Variants in ST7 observed in about 807,000 individuals in gnomAD.
ST7 encodes the protein suppression of tumorigenicity 7.
In ST7, 28 loss-of-function variants were observed where a neutral mutation model predicts 78.7. That is an observed-to-expected ratio of 0.36 (90% CI 0.26 to 0.49). The LOEUF is 0.49. ST7 is among the 20% of genes least tolerant of loss of function. The pLI, the probability that ST7 is intolerant of heterozygous loss-of-function variation, is 0.99. For synonymous variants in ST7, 247 were observed against 249.6 expected (o/e 0.99, Z 0.10); for missense variants, 418 against 696.0 (o/e 0.60, Z 4.49).
At chr7:117,207,676 A>G (rs1390371560) in intron 12 of ST7, among the ~76,000 whole-genome samples, 1 of 152,230 alleles carries the variant, frequency 6.6e-6, no homozygotes, top group Non-Finnish European at 1.5e-5. Context: ...CCTGGGACAC[A>G]TGAGTTAGTT....
At chr7:117,130,663 GA>G in intron 5 of ST7, 57 bp downstream of exon 5, 1 of 1,289,028 alleles carries the variant, frequency 7.8e-7, no homozygotes, top group Non-Finnish European at 1.1e-6. Flanking sequence ...TAAGTGTCAA[GA>G]TTTCTGCTTT....
rs1584649379 is a variant in ST7, at chr7:117,227,659, T to C, written c.1639-2103T>C. On this transcript the variant is annotated intron_variant, in intron 15 of 15. Transcript: ENST00000323984. ...AGACTTGTTCCATATTATCCTCTTA[T>C]AACTAGGATTTTACAAATGCTTTCA... 2.6e-5 allele frequency among the ~76,000 whole-genome samples: 4 copies of C among 152,320 alleles called. No individual in the cohort carries two copies. The South Asian group carries it at 8.3e-4, about 32-fold the overall frequency.
intron 1 of ST7, among the ~76,000 whole-genome samples, chr7:116,983,163 G>T (rs984104938): frequency 6.6e-6 from 1 of 152,180 alleles, no homozygotes; most frequent in South Asian, 2.1e-4. Context: ...CTCCCAAAGT[G>T]CTGGGATTAC....
intron 10 of ST7, among the ~76,000 whole-genome samples, chr7:117,176,088 C>T (rs1808322961): frequency 6.6e-6 from 1 of 152,142 alleles, no homozygotes; most frequent in South Asian, 2.1e-4. Flanking sequence ...TCTTTGGGTT[C>T]ATAGCAACTT....
intron 1 of ST7, among the ~76,000 whole-genome samples, chr7:116,991,718 T>C (rs1794439632): frequency 6.6e-6 from 1 of 152,108 alleles, no homozygotes; most frequent in Non-Finnish European, 1.5e-5. Context: ...AATCATGCCT[T>C]CCCAACAGTC....
At chr7:117,224,362 C>T (rs1283368804) in intron 15 of ST7, among the ~76,000 whole-genome samples, 3 of 152,144 alleles carry the variant, frequency 2.0e-5, no homozygotes, top group African/African-American at 4.8e-5. Context: ...TTTCTACACC[C>T]ATTATCACCC....
intron 1 of ST7, among the ~76,000 whole-genome samples, chr7:117,042,738 A>T (rs1219266410): frequency 6.6e-6 from 1 of 152,014 alleles, no homozygotes; most frequent in African/African-American, 2.4e-5. Flanking sequence ...CCAAGATTTT[A>T]AAAAAATATA....
At chr7:117,168,536 C>A (rs1016019434) in intron 9 of ST7, among the ~76,000 whole-genome samples, 2 of 151,748 alleles carry the variant, frequency 1.3e-5, no homozygotes, top group African/African-American at 4.8e-5. Flanking sequence ...GTAATCTCAA[C>A]TAGAATCAAA....
chr7:117,140,124 T>G (rs17439722), intron 9 of ST7, among the ~76,000 whole-genome samples: 2,593 of 152,358 alleles, frequency 0.017, 27 homozygotes, highest in Non-Finnish European at 0.028. Context: ...GTCAGTCTCT[T>G]GGTTATCATA....
intron 9 of ST7, among the ~76,000 whole-genome samples, chr7:117,168,216 A>C (rs1273872864): frequency 6.6e-6 from 1 of 152,212 alleles, no homozygotes; most frequent in East Asian, 1.9e-4. Context: ...CTGCTCTTTA[A>C]GCTCCTAGCA....
chr7:117,032,083 TG>T (rs1490144268), intron 1 of ST7, among the ~76,000 whole-genome samples: 4 of 151,812 alleles, frequency 2.6e-5, no homozygotes, highest in Admixed American at 2.6e-4. Context: ...GGTTTAGCCA[TG>T]TTGACCAGGC....
intron 1 of ST7, among the ~76,000 whole-genome samples, chr7:117,036,074 T>TGTCTCCACAAATGCTGACAA: frequency 6.6e-6 from 1 of 152,182 alleles, no homozygotes; most frequent in South Asian, 2.1e-4. Context: ...TGGGTGCATT[T>TGTCTCCACAAATGCTGACAA]GTGGAGTCTG....
intron 9 of ST7, chr7:117,146,509 A>G (rs1224372272): frequency 6.6e-6 from 1 of 152,248 alleles, no homozygotes; most frequent in East Asian, 1.9e-4. Context: ...GACCAGTCTT[A>G]ATTTTTACAG....
At chr7:116,975,266 A>G (rs1357049055) in intron 1 of ST7, among the ~76,000 whole-genome samples, 2 of 152,142 alleles carry the variant, frequency 1.3e-5, no homozygotes, top group Admixed American at 6.5e-5. Context: ...TCACAACAGC[A>G]TGGGAAAAAC....
chr7:116,998,034 C>T lies in ST7; in HGVS notation c.151+44343C>T, dbSNP rs549712811. Among the ~76,000 whole-genome samples, 7 of 152,312 alleles carry T rather than the reference C, an allele frequency of 4.6e-5. No individual in the cohort carries two copies. In the East Asian group the frequency reaches 5.8e-4, roughly 13 times the overall value. ...TTGGACGGTCGATGGGACCAGGTGC[C>T]GTGGAGCGGGGCGCGGTGCTTGTCG... On this transcript the variant is annotated intron_variant, in intron 1 of 15. Transcript: ENST00000323984.
intron 1 of ST7, among the ~76,000 whole-genome samples, chr7:116,995,927 T>C (rs1453273191): frequency 6.6e-6 from 1 of 152,214 alleles, no homozygotes; most frequent in Admixed American, 6.5e-5. Flanking sequence ...ATATGACCTG[T>C]GGGCTGCCAG....
intron 15 of ST7, chr7:117,223,196 C>T (rs543608316): frequency 2.8e-4 from 159 of 564,952 alleles, no homozygotes; most frequent in African/African-American, 2.6e-3. Flanking sequence ...CCTCTTCTTT[C>T]CCTCCTTTTC....
intron 9 of ST7, among the ~76,000 whole-genome samples, chr7:117,154,600 G>A (rs1219645505): frequency 1.3e-5 from 2 of 152,182 alleles, no homozygotes; most frequent in Admixed American, 1.3e-4. Context: ...AAGGAGGTGA[G>A]TTAAGAGTAT....
At chr7:117,176,263 C>A (rs1464960102) in intron 10 of ST7, among the ~76,000 whole-genome samples, 1 of 152,132 alleles carries the variant, frequency 6.6e-6, no homozygotes, top group Non-Finnish European at 1.5e-5. Flanking sequence ...CTTACAGTCA[C>A]AAAAGTTATA....
Sources: gnomAD v4.1 joint callset for allele counts (sites outside exome capture counted in the v4.1 genomes callset) on GRCh38, gnomAD v4.1.1 for gene constraint, MANE v1.5 for transcripts, NCBI Gene and HGNC (gene_info 2026-07-23, HGNC 2026-07-21) for gene names.